The following ANKRD30A variants were observed in gnomAD, a reference collection of about 807,000 sequenced individuals.
The protein encoded by ANKRD30A is ankyrin repeat domain 30A, also known as ankyrin repeat domain-containing protein 30A.
ANKRD30A carries 170 observed loss-of-function variants against 166.3 expected under a neutral mutation model. That is an observed-to-expected ratio of 1.02 (90% CI 0.90 to 1.16). The LOEUF (loss-of-function observed/expected upper bound fraction) is 1.16. Ranked by LOEUF, ANKRD30A falls within the 50% of genes most tolerant of loss-of-function variation. The pLI is 0.00. For missense variants in ANKRD30A, 1,630 were observed against 1,518.0 expected (o/e 1.07, Z -1.23); for synonymous variants, 564 against 508.9 (o/e 1.11, Z -1.46).
chr10:37,159,756 C>T (rs1187213052), intron 15 of ANKRD30A, among the ~76,000 whole-genome samples: 1 of 152,124 alleles, frequency 6.6e-6, no homozygotes, highest in Non-Finnish European at 1.5e-5. Flanking sequence ...AGTGCCATGG[C>T]GCGATCTCGG....
At position 37,149,691 on chromosome 10, in the gene ANKRD30A, T is replaced by C. The variant is rs560786304; in HGVS notation, c.1572+12T>C. ...CATCTGCCTTCAAGGTATTTAGTTT[T>C]ATTATTTCATTTTGAATGACTTATT... On this transcript the variant is annotated intron_variant, in intron 10 of 35. Transcript: ENST00000361713. 1.2e-4 allele frequency: 189 copies of C among 1,612,448 alleles called. 2 individuals carry two copies. The highest frequency in any genetic ancestry group is 4.5e-4 in the South Asian group (41 of 90,954).
chr10:37,262,170 T>C, the ANKRD30A span, among the ~76,000 whole-genome samples: 1 of 152,194 alleles, frequency 6.6e-6, no homozygotes, highest in African/African-American at 2.4e-5. Context: ...CAAATGACCA[T>C]TTCACATCTA....
intron 6 of ANKRD30A, among the ~76,000 whole-genome samples, chr10:37,138,877 C>T (rs186781194): frequency 8.4e-4 from 128 of 152,164 alleles, no homozygotes; most frequent in African/African-American, 2.1e-3. Flanking sequence ...ATACAGAGAA[C>T]GCTGCAAAGA....
At chr10:37,165,379 T>C (rs1839240007) in intron 18 of ANKRD30A, among the ~76,000 whole-genome samples, 1 of 152,212 alleles carries the variant, frequency 6.6e-6, no homozygotes, top group South Asian at 2.1e-4. Flanking sequence ...CAAAGTGGTA[T>C]AGTGTAAAAA....
At chr10:37,234,274 T>G (rs542301076), downstream of ANKRD30A, among the ~76,000 whole-genome samples, 8 of 152,290 alleles carry the variant, frequency 5.3e-5, no homozygotes, top group South Asian at 1.4e-3. Context: ...GTTCTATATA[T>G]GAGAAGGAAT....
chr10:37,192,937 A>C, intron 25 of ANKRD30A, 127 bp from the exon 26 acceptor site: 1 of 1,475,262 alleles, frequency 6.8e-7, no homozygotes, highest in South Asian at 1.2e-5. Context: ...AAAAGACCCC[A>C]AAAGCTAGTG....
At chr10:37,141,010 C>A (rs947394861) in intron 6 of ANKRD30A, among the ~76,000 whole-genome samples, 1 of 152,118 alleles carries the variant, frequency 6.6e-6, no homozygotes, top group Non-Finnish European at 1.5e-5. Context: ...GTCCACTTAA[C>A]AAATAATTGT....
intron 13 of ANKRD30A, among the ~76,000 whole-genome samples, chr10:37,157,459 G>C (rs1838470191): frequency 6.6e-6 from 1 of 152,178 alleles, no homozygotes; most frequent in Non-Finnish European, 1.5e-5. Flanking sequence ...TCTGCCTCCT[G>C]GGTTCAAGTG....
At chr10:37,164,541 G>A (rs1473247544) in intron 17 of ANKRD30A, among the ~76,000 whole-genome samples, 2 of 151,918 alleles carry the variant, frequency 1.3e-5, no homozygotes, top group Non-Finnish European at 2.9e-5. Flanking sequence ...TCTTCCTAAA[G>A]CATATACACA....
intron 34 of ANKRD30A, among the ~76,000 whole-genome samples, chr10:37,224,494 T>C (rs1564595182): frequency 6.6e-6 from 1 of 150,528 alleles, no homozygotes; most frequent in South Asian, 2.1e-4. Flanking sequence ...ACACATATAT[T>C]ATATGTATAT....
chr10:37,190,549 A>T (rs2132653252), intron 25 of ANKRD30A, among the ~76,000 whole-genome samples: 1 of 152,002 alleles, frequency 6.6e-6, no homozygotes, highest in South Asian at 2.1e-4. Flanking sequence ...AATGGGAAGA[A>T]TCAAGAGCAG....
intron 31 of ANKRD30A, among the ~76,000 whole-genome samples, chr10:37,201,750 C>A (rs1841640445): frequency 1.3e-5 from 2 of 151,872 alleles, no homozygotes; most frequent in African/African-American, 4.8e-5. Context: ...CCTTCTAGTA[C>A]CAAAATTTAC....
the ANKRD30A span, among the ~76,000 whole-genome samples, chr10:37,244,612 T>C: frequency 6.6e-6 from 1 of 152,256 alleles, no homozygotes; most frequent in Non-Finnish European, 1.5e-5. Context: ...TTCAGCATCC[T>C]TCATCAGGTT....
chr10:37,211,125 CT>C lies in ANKRD30A; in HGVS notation c.2870-5047del, dbSNP rs928724286. Among the ~76,000 whole-genome samples the C allele has an allele frequency of 1.3e-4, 20 of 150,612 alleles. 1 individual carries two copies. The South Asian group carries it at 1.5e-3, about 11-fold the overall frequency. ...TCTTATGTTTAAGTGTTTAATCCAT[CT>C]TTTTTTTTATCTAGAATTTTTTTTA... On this transcript the variant is annotated intron_variant, in intron 31 of 35. Transcript: ENST00000361713.
intron 15 of ANKRD30A, among the ~76,000 whole-genome samples, chr10:37,160,037 A>G (rs939562701): frequency 6.6e-5 from 10 of 152,190 alleles, no homozygotes; most frequent in South Asian, 2.1e-4. Flanking sequence ...TACACTGTAC[A>G]TATTGTCCTG....
At chr10:37,144,775 A>T (rs1300007369) in intron 7 of ANKRD30A, among the ~76,000 whole-genome samples, 2 of 150,264 alleles carry the variant, frequency 1.3e-5, no homozygotes, top group Admixed American at 6.7e-5. Flanking sequence ...CAAATTTTTA[A>T]TTTTTTTGCA....
intron 34 of ANKRD30A, among the ~76,000 whole-genome samples, chr10:37,223,030 A>G (rs748263763): frequency 3.3e-5 from 5 of 151,430 alleles, no homozygotes; most frequent in Non-Finnish European, 7.4e-5. Context: ...TTTGAAATAT[A>G]TCTTAATCAA....
At chr10:37,134,259 TTAGTTATTTGGGTC>T (rs1201484508) in intron 5 of ANKRD30A, among the ~76,000 whole-genome samples, 1 of 152,212 alleles carries the variant, frequency 6.6e-6, no homozygotes, top group Non-Finnish European at 1.5e-5. Context: ...ATTTTTCTAA[TTAGTTATTTGGGTC>T]TTGAAGTGTC....
intron 31 of ANKRD30A, among the ~76,000 whole-genome samples, chr10:37,203,425 A>T (rs932396659): frequency 3.3e-5 from 5 of 152,230 alleles, no homozygotes; most frequent in Non-Finnish European, 5.9e-5. Context: ...GCCTTTGACA[A>T]AATTCAACAG....
Sources: allele counts gnomAD v4.1 joint callset (sites outside exome capture counted in the v4.1 genomes callset), GRCh38; gene constraint gnomAD v4.1.1; transcripts MANE v1.5; gene names NCBI Gene and HGNC (gene_info 2026-07-23, HGNC 2026-07-21).